The following TCF3 variants were observed in gnomAD, a reference collection of about 807,000 sequenced individuals.
TCF3 encodes the protein transcription factor 3.
Under a neutral mutation model 72.3 loss-of-function variants are expected in TCF3, and 54 were observed. That is an observed-to-expected ratio of 0.75 (90% CI 0.60 to 0.94). The LOEUF is 0.94. Among genes scored for constraint, TCF3 ranks in the 40% least tolerant of loss-of-function variants. The probability of loss-of-function intolerance (pLI) is 0.00; values close to 1 mark genes in which losing one functional copy is unlikely to be tolerated. For synonymous variants in TCF3, 525 were observed against 412.6 expected (o/e 1.27, Z -3.30); for missense variants, 1,078 against 934.4 (o/e 1.15, Z -2.00).
intron 3 of TCF3, among the ~76,000 whole-genome samples, chr19:1,638,867 G>T (rs1238838532): frequency 1.3e-5 from 2 of 152,108 alleles, no homozygotes; most frequent in Non-Finnish European, 2.9e-5. Context: ...ACGATGGAAG[G>T]AAAAGCTGAG....
chr19:1,648,915 C>T (rs2066564230), intron 2 of TCF3, among the ~76,000 whole-genome samples: 1 of 152,078 alleles, frequency 6.6e-6, no homozygotes, highest in South Asian at 2.1e-4. Flanking sequence ...TAACACATGG[C>T]CCCACTGTAC....
chr19:1,642,870 G>T (rs552750587), intron 3 of TCF3, among the ~76,000 whole-genome samples: 1 of 152,228 alleles, frequency 6.6e-6, no homozygotes, highest in Non-Finnish European at 1.5e-5. Flanking sequence ...AGGTTCTCCC[G>T]GGGTTTCCTC....
chr19:1,643,658 G>C (rs550510696), intron 3 of TCF3, among the ~76,000 whole-genome samples: 4 of 152,318 alleles, frequency 2.6e-5, no homozygotes, highest in South Asian at 4.1e-4. Flanking sequence ...TGGGATTAAA[G>C]GTGTGAGCCA....
In TCF3 at chr19:1,611,477, CA is replaced by C. The variant is rs1414382269; in HGVS notation, c.*229del. The C allele has an allele frequency of 8.0e-6, 4 of 502,068 alleles. No individual in the cohort carries two copies. Among genetic ancestry groups the C allele is most frequent in the East Asian group, 3.2e-5 (1 of 31,238 alleles). 31.1% of individuals were successfully genotyped at this position (502,068 alleles called of 1,614,324 possible). A position where few individuals can be genotyped will look rare whatever the true frequency, so the allele number is the denominator to read the frequency against. On this transcript the variant is annotated 3_prime_UTR_variant, in exon 19 of 19. Transcript: ENST00000262965. ...TGACACGGTGGCTGAGATTCGGGGA[CA>C]GGGGGAGCGAGGCCAGTGAGTGGTA...
intron 3 of TCF3, among the ~76,000 whole-genome samples, chr19:1,634,458 G>C (rs967825854): frequency 6.6e-6 from 1 of 152,226 alleles, no homozygotes; most frequent in African/African-American, 2.4e-5. Context: ...GCTGGGGAGA[G>C]GGCCCCAGGA....
At chr19:1,630,418 C>T (rs1201686333) in intron 5 of TCF3, among the ~76,000 whole-genome samples, 2 of 152,320 alleles carry the variant, frequency 1.3e-5, no homozygotes, top group Admixed American at 6.5e-5. Context: ...CCGGGCAAAG[C>T]GAGACAGGAC....
chr19:1,613,770 C>T (rs761143421), intron 18 of TCF3, among the ~76,000 whole-genome samples: 1 of 152,120 alleles, frequency 6.6e-6, no homozygotes, highest in African/African-American at 2.4e-5. Context: ...CAGTGAACTC[C>T]GGCTGCCCCA....
At chr19:1,630,971 C>T (rs1396619176) in intron 5 of TCF3, among the ~76,000 whole-genome samples, 1 of 152,238 alleles carries the variant, frequency 6.6e-6, no homozygotes, top group Non-Finnish European at 1.5e-5. Context: ...TGGAGGAGGG[C>T]GTCCCAGTCA....
intron 18 of TCF3, among the ~76,000 whole-genome samples, chr19:1,613,304 G>A (rs534950757): frequency 6.6e-6 from 1 of 152,278 alleles, no homozygotes; most frequent in South Asian, 2.1e-4. Context: ...CAGCTCTAGG[G>A]GAGGCTGTGG....
chr19:1,622,562 C>G (rs540742953), intron 8 of TCF3, 147 bp from the exon 9 acceptor site: 2 of 521,178 alleles, frequency 3.8e-6, no homozygotes, highest in African/African-American at 3.9e-5. Context: ...TTAGGTAAAT[C>G]CCAGCCCCTG....
chr19:1,649,781 C>G (rs2066712704), intron 2 of TCF3, among the ~76,000 whole-genome samples: 1 of 152,118 alleles, frequency 6.6e-6, no homozygotes, highest in Non-Finnish European at 1.5e-5. Flanking sequence ...GACTGGAGTG[C>G]AGTGATCTTT....
chr19:1,613,609 C>T (rs189251197), intron 18 of TCF3, among the ~76,000 whole-genome samples: 6 of 152,164 alleles, frequency 3.9e-5, no homozygotes, highest in African/African-American at 1.2e-4. Flanking sequence ...CTTGAAGACA[C>T]GGGCTCAGCA....
chr19:1,640,287 G>A (rs969422997), intron 3 of TCF3, among the ~76,000 whole-genome samples: 6 of 152,180 alleles, frequency 3.9e-5, no homozygotes, highest in East Asian at 1.9e-4. Flanking sequence ...TGTAATCCCA[G>A]CACTTTGGGA....
At chr19:1,651,760 C>A (rs2067112764) in intron 1 of TCF3, among the ~76,000 whole-genome samples, 1 of 151,840 alleles carries the variant, frequency 6.6e-6, no homozygotes, top group Non-Finnish European at 1.5e-5. Flanking sequence ...GCGGCCGCCG[C>A]CTCGCCCCGC....
rs1395665155 is a variant in TCF3, at chr19:1,610,940, C to CGGGGG, written c.*762_*766dup. The CGGGGG allele has an allele frequency of 2.1e-4, 10 of 46,512 alleles. No individual in the cohort carries two copies. Among genetic ancestry groups the CGGGGG allele is most frequent in the African/African-American group, 7.0e-4 (6 of 8,520 alleles). The allele number at this position is 46,512 out of a possible 1,614,324, so 2.9% of individuals were successfully genotyped here. A position where few individuals can be genotyped will look rare whatever the true frequency, so the allele number is the denominator to read the frequency against. On this transcript the variant is annotated 3_prime_UTR_variant, in exon 19 of 19. Transcript: ENST00000262965. ...AGTGGCTTCCGGGGGGGGGGGGGGA[C>CGGGGG]GGGGGGGCTCAGGTTTACACGGGGT...
chr19:1,615,889 C>T lies in TCF3; in HGVS notation c.1451-68G>A. The T allele has an allele frequency of 2.0e-6, 3 of 1,479,526 alleles. No homozygotes were observed. Among genetic ancestry groups the T allele is most frequent in the South Asian group, 1.5e-5 (1 of 68,678 alleles). The allele number at this position is 1,479,526 out of a possible 1,614,324, so 91.6% of individuals were successfully genotyped here. On this transcript the variant is annotated intron_variant, in intron 16 of 18. Coordinates refer to ENST00000262965, the MANE Select transcript of TCF3 (RefSeq NM_003200.5). This position sits in a 1 kb window ranked among gnomAD's most constrained non-coding sequence, Gnocchi z 7.3. ...GCCAACTGACATATCTCTTTGTGCT[C>T]CTGTGGTGAGGGACTTGGGCTTTCC...
At position 1,625,567 on chromosome 19, in the gene TCF3, C is replaced by G; in HGVS notation, c.499+9G>C. 7 of 1,576,256 alleles carry G rather than the reference C, an allele frequency of 4.4e-6. No homozygotes were observed. The highest frequency in any genetic ancestry group is 6.0e-6 in the Non-Finnish European group (7 of 1,165,140). On this transcript the variant is annotated intron_variant, in intron 7 of 18. Coordinates refer to ENST00000262965, the MANE Select transcript of TCF3 (RefSeq NM_003200.5). ...GAAGCCCCCGATGCCCCGGCCAGAC[C>G]CCGCTCACCTAGGCTGCCGTCTGCC...
In TCF3 at chr19:1,624,116, G is replaced by C. The variant is rs762502667; in HGVS notation, c.500-116C>G. On this transcript the variant is annotated intron_variant, in intron 7 of 18. Coordinates refer to ENST00000262965, the MANE Select transcript of TCF3 (RefSeq NM_003200.5). ...TTTCATATATTAAAAACCTCGGGTC[G>C]GCTGGGTGCGGTGCCTCATGCCTGT... The C allele has an allele frequency of 6.9e-6, 7 of 1,021,504 alleles. No homozygotes were observed. The East Asian group carries it at 1.6e-4, about 23-fold the overall frequency. 63.3% of individuals were successfully genotyped at this position (1,021,504 alleles called of 1,614,324 possible).
intron 3 of TCF3, among the ~76,000 whole-genome samples, chr19:1,645,263 C>G (rs1037082775): frequency 1.3e-5 from 2 of 152,086 alleles, no homozygotes; most frequent in African/African-American, 2.4e-5. Flanking sequence ...TTCAGAGGCC[C>G]CAACCCGAGG....
Sources: gnomAD v4.1 joint callset for allele counts (sites outside exome capture counted in the v4.1 genomes callset) on GRCh38, gnomAD v4.1.1 for gene constraint, Gnocchi (gnomAD v3.1) non-coding constraint, MANE v1.5 for transcripts, NCBI Gene and HGNC (gene_info 2026-07-23, HGNC 2026-07-21) for gene names.